The following MGAT4C variants were observed in gnomAD, a reference collection of about 807,000 sequenced individuals.
The protein encoded by MGAT4C is MGAT4 family member C.
A neutral mutation model predicts 40.1 loss-of-function variants in MGAT4C; 19 were observed. That is an observed-to-expected ratio of 0.47 (90% confidence interval 0.33 to 0.70). The LOEUF (loss-of-function observed/expected upper bound fraction) is 0.70, where lower values mean the gene tolerates loss of function less well. Ranked by LOEUF, MGAT4C falls within the 30% of genes least tolerant of loss-of-function variation. The pLI, the probability that MGAT4C is intolerant of heterozygous loss-of-function variation, is 0.02. For synonymous variants in MGAT4C, 181 were observed against 187.1 expected, an observed-to-expected ratio of 0.97 and a Z score of 0.27; for missense variants, 491 against 563.2, an observed-to-expected ratio of 0.87 and a Z score of 1.30.
chr12:86,218,959 T>A (rs1593266290), intron 1 of MGAT4C, among the ~76,000 whole-genome samples: 1 of 152,064 alleles, frequency 6.6e-6, no homozygotes, highest in Non-Finnish European at 1.5e-5. Context: ...GACAAATGGA[T>A]CACGAAGTCA....
At chr12:86,378,191 C>T (rs1343962366) in intron 3 of MGAT4C, among the ~76,000 whole-genome samples, 1 of 152,086 alleles carries the variant, frequency 6.6e-6, no homozygotes, top group East Asian at 1.9e-4. Flanking sequence ...TCTTCAAGAT[C>T]CCATTTTCAA....
chr12:86,555,679 A>G (rs1959576287), intron 2 of MGAT4C, among the ~76,000 whole-genome samples: 1 of 152,240 alleles, frequency 6.6e-6, no homozygotes, highest in African/African-American at 2.4e-5. Flanking sequence ...CTCAAGTAAC[A>G]GAGCAAATGC....
chr12:86,117,193 A>G (rs1878576508), intron 1 of MGAT4C, among the ~76,000 whole-genome samples: 1 of 152,188 alleles, frequency 6.6e-6, no homozygotes, highest in Non-Finnish European at 1.5e-5. Context: ...AAGCCAGGGC[A>G]TAAGTTATCT....
rs533804922 is a variant in MGAT4C, at chr12:86,636,274, T to C, written c.-229+90935A>G. 3.5e-4 allele frequency among the ~76,000 whole-genome samples: 54 copies of C among 152,208 alleles called. No homozygotes were observed. The Middle Eastern group carries it at 0.014, about 38-fold the overall frequency. On this transcript the variant is annotated intron_variant, in intron 2 of 7. Transcript: ENST00000548651. The stretch of plus-strand genomic sequence containing the variant: ...AAATACACTTCTTGGCTTGTGTTTT[T>C]GTAGAGTCACCTTATTAACTCATTA...
chr12:86,120,522 G>A (rs1425086366), intron 1 of MGAT4C, among the ~76,000 whole-genome samples: 1 of 152,152 alleles, frequency 6.6e-6, no homozygotes, highest in African/African-American at 2.4e-5. Context: ...ATACAGCCAG[G>A]TGCCCCTCTG....
chr12:86,340,790 T>A (rs374526985), intron 3 of MGAT4C, among the ~76,000 whole-genome samples: 1 of 152,090 alleles, frequency 6.6e-6, no homozygotes, highest in Admixed American at 6.6e-5. Context: ...GGGTTCCTCA[T>A]AGAGTGAACA....
At chr12:86,740,444 G>A (rs550884539) in intron 1 of MGAT4C, among the ~76,000 whole-genome samples, 14 of 151,122 alleles carry the variant, frequency 9.3e-5, no homozygotes, top group Non-Finnish European at 1.3e-4. Flanking sequence ...AAGACTAAAT[G>A]TAAGCTTTTA....
intron 1 of MGAT4C, among the ~76,000 whole-genome samples, chr12:86,222,135 C>G (rs1950905878): frequency 6.6e-6 from 1 of 152,164 alleles, no homozygotes; most frequent in Non-Finnish European, 1.5e-5. Flanking sequence ...CTCTTGCTCT[C>G]TCTCTGAGAA....
chr12:86,332,197 A>G (rs992193548), intron 4 of MGAT4C, among the ~76,000 whole-genome samples: 5 of 152,152 alleles, frequency 3.3e-5, no homozygotes, highest in Non-Finnish European at 5.9e-5. Flanking sequence ...TACCCACAGT[A>G]AAGACTTTTG....
chr12:86,043,919 G>A (rs771691747), intron 2 of MGAT4C, among the ~76,000 whole-genome samples: 95 of 152,202 alleles, frequency 6.2e-4, no homozygotes, highest in Admixed American at 4.4e-3. Flanking sequence ...GGGAACCAGC[G>A]TGGGTCATTT....
At chr12:86,353,033 A>T (rs1323103477) in intron 3 of MGAT4C, among the ~76,000 whole-genome samples, 4 of 146,814 alleles carry the variant, frequency 2.7e-5, no homozygotes, top group African/African-American at 1.0e-4. Flanking sequence ...TAAAATAAAA[A>T]AATAAATAAA....
intron 2 of MGAT4C, among the ~76,000 whole-genome samples, chr12:86,522,798 T>G (rs1406680744): frequency 6.6e-6 from 1 of 152,118 alleles, no homozygotes; most frequent in African/African-American, 2.4e-5. Flanking sequence ...GTGTTCAAGA[T>G]TCAACTTCTT....
intron 4 of MGAT4C, among the ~76,000 whole-genome samples, chr12:86,308,719 C>T (rs980156650): frequency 1.3e-5 from 2 of 150,590 alleles, no homozygotes; most frequent in Admixed American, 6.6e-5. Flanking sequence ...ATACAGAAGT[C>T]CCCAGTAGAT....
intron 3 of MGAT4C, among the ~76,000 whole-genome samples, chr12:86,406,592 C>T (rs546546342): frequency 1.3e-4 from 19 of 151,482 alleles, no homozygotes; most frequent in Admixed American, 1.1e-3. Flanking sequence ...AAGAAACAAA[C>T]AAAAAAACAG....
At chr12:85,983,813 G>A in intron 3 of MGAT4C, 143 bp from the exon 4 acceptor site, 1 of 613,434 alleles carries the variant, frequency 1.6e-6, no homozygotes, top group Admixed American at 4.0e-5. Context: ...GACGTCATAA[G>A]CTGTAGCTCA....
chr12:86,417,148 T>C (rs1430957590), intron 3 of MGAT4C, among the ~76,000 whole-genome samples: 1 of 152,096 alleles, frequency 6.6e-6, no homozygotes, highest in Non-Finnish European at 1.5e-5. Context: ...CAGAGACAAC[T>C]AAATAGTTGA....
intron 2 of MGAT4C, among the ~76,000 whole-genome samples, chr12:86,014,457 T>C (rs1359175851): frequency 6.6e-6 from 1 of 152,064 alleles, no homozygotes; most frequent in Non-Finnish European, 1.5e-5. Context: ...TGCCTTGCTG[T>C]GCTGCGATGT....
intron 1 of MGAT4C, among the ~76,000 whole-genome samples, chr12:86,212,617 G>C (rs892492145): frequency 2.6e-5 from 4 of 151,278 alleles, no homozygotes; most frequent in Non-Finnish European, 5.9e-5. Flanking sequence ...GGCCGGGCGC[G>C]GTGGCTCACG....
intron 1 of MGAT4C, among the ~76,000 whole-genome samples, chr12:86,127,258 T>C (rs1593012178): frequency 2.0e-5 from 3 of 152,304 alleles, no homozygotes; most frequent in South Asian, 2.1e-4. Flanking sequence ...TACTAAATAG[T>C]GTAGACAGTT....
Sources: allele counts gnomAD v4.1 joint callset (sites outside exome capture counted in the v4.1 genomes callset), GRCh38; gene constraint gnomAD v4.1.1; transcripts MANE v1.5; gene names NCBI Gene and HGNC (gene_info 2026-07-23, HGNC 2026-07-21).